HS6ST3: variants seen among roughly 807,000 people sequenced by gnomAD.
HS6ST3 encodes the protein heparan sulfate 6-O-sulfotransferase 3.
In HS6ST3, 12 loss-of-function variants were observed where a neutral mutation model predicts 36.7. The ratio of observed to expected loss-of-function variants is 0.33; its 90% CI spans 0.21 to 0.53. The LOEUF (loss-of-function observed/expected upper bound fraction) is 0.53. HS6ST3 is among the 20% of genes least tolerant of loss of function. HS6ST3 has a pLI of 0.95. For missense variants in HS6ST3, 584 were observed against 640.9 expected, an observed-to-expected ratio of 0.91 and a Z score of 0.96; for synonymous variants, 240 against 257.5, an observed-to-expected ratio of 0.93 and a Z score of 0.65.
rs2054764343 is a variant in HS6ST3 at position 96,279,458 on chromosome 13, A to G, written c.707+187889A>G. Among the ~76,000 whole-genome samples the G allele has an allele frequency of 2.0e-5, 3 of 152,344 alleles. No homozygotes were observed. The South Asian group carries it at 6.2e-4, about 32-fold the overall frequency. On this transcript the variant is annotated intron_variant, in intron 1 of 1. Transcript: ENST00000376705. Reference sequence around the variant, plus strand: ...CGTTAAACAAATAGCTATATAAATTATAAGTGATACGAAGGAGCAAGTTTC... The same window carrying G: ...CGTTAAACAAATAGCTATATAAATTGTAAGTGATACGAAGGAGCAAGTTTC...
chr13:96,151,405 GAA>G (rs57166825), intron 1 of HS6ST3, among the ~76,000 whole-genome samples: 113,991 of 141,586 alleles, frequency 0.81, 45,741 homozygotes, highest in East Asian at 0.91. Context: ...CTCCATCTTG[GAA>G]AAAAAAAAAA....
At chr13:96,511,553 T>C (rs1018244045) in intron 1 of HS6ST3, among the ~76,000 whole-genome samples, 13 of 152,086 alleles carry the variant, frequency 8.5e-5, no homozygotes, top group Middle Eastern at 6.8e-3. Context: ...CCTACATGTA[T>C]ACTTAGCCCA....
At chr13:96,619,745 A>T (rs2056487533) in intron 1 of HS6ST3, among the ~76,000 whole-genome samples, 1 of 152,228 alleles carries the variant, frequency 6.6e-6, no homozygotes, top group Non-Finnish European at 1.5e-5. Flanking sequence ...TTACCCACAA[A>T]ATCAGAGGAA....
chr13:96,814,680 C>T (rs539372734), intron 1 of HS6ST3, among the ~76,000 whole-genome samples: 10 of 151,910 alleles, frequency 6.6e-5, no homozygotes, highest in Non-Finnish European at 1.5e-4. Flanking sequence ...TTGTCTCTTA[C>T]ATTAATTTCT....
chr13:96,704,186 G>A (rs1875361342), intron 1 of HS6ST3, among the ~76,000 whole-genome samples: 1 of 152,084 alleles, frequency 6.6e-6, no homozygotes, highest in Non-Finnish European at 1.5e-5. Flanking sequence ...GAAATCAATG[G>A]GTCATAATAT....
At chr13:96,561,561 C>T (rs1166269239) in intron 1 of HS6ST3, among the ~76,000 whole-genome samples, 3 of 152,086 alleles carry the variant, frequency 2.0e-5, no homozygotes, top group African/African-American at 7.2e-5. Context: ...TAAAGAGCTT[C>T]TGCACAGCAA....
chr13:96,109,311 C>T (rs529201672), intron 1 of HS6ST3, among the ~76,000 whole-genome samples: 3 of 152,150 alleles, frequency 2.0e-5, no homozygotes, highest in African/African-American at 4.8e-5. Context: ...CTCAGCAGAT[C>T]GTATGTCAGT....
intron 1 of HS6ST3, among the ~76,000 whole-genome samples, chr13:96,610,215 A>G (rs1012305151): frequency 3.3e-5 from 5 of 152,198 alleles, no homozygotes; most frequent in African/African-American, 1.2e-4. Context: ...AGAATTAGCT[A>G]CCCTTCTGGG....
At chr13:96,213,186 C>T (rs2139358359) in intron 1 of HS6ST3, among the ~76,000 whole-genome samples, 1 of 152,214 alleles carries the variant, frequency 6.6e-6, no homozygotes, top group Non-Finnish European at 1.5e-5. Flanking sequence ...TAAGATGGCC[C>T]CAGGTTTTCC....
chr13:96,397,898 G>T (rs1222450210), intron 1 of HS6ST3, among the ~76,000 whole-genome samples: 1 of 152,238 alleles, frequency 6.6e-6, no homozygotes, highest in South Asian at 2.1e-4. Flanking sequence ...TACAGATGAG[G>T]AAACTGAGGC....
At chr13:96,670,788 C>T (rs116976664) in intron 1 of HS6ST3, among the ~76,000 whole-genome samples, 6,814 of 152,170 alleles carry the variant, frequency 0.045, 201 homozygotes, top group Non-Finnish European at 0.07. Context: ...TGGAAGAGGA[C>T]CTGTCCTACC....
At chr13:96,289,283 AAAAAT>A (rs1421990134) in intron 1 of HS6ST3, among the ~76,000 whole-genome samples, 3 of 152,222 alleles carry the variant, frequency 2.0e-5, no homozygotes, top group African/African-American at 4.8e-5. Flanking sequence ...ACACTGGAGA[AAAAAT>A]AAAATATAAA....
chr13:96,727,596 AT>A (rs1291371889), intron 1 of HS6ST3, among the ~76,000 whole-genome samples: 1 of 152,192 alleles, frequency 6.6e-6, no homozygotes, highest in Non-Finnish European at 1.5e-5. Flanking sequence ...CGAATAAAAA[AT>A]AAAATAAAAA....
intron 1 of HS6ST3, among the ~76,000 whole-genome samples, chr13:96,471,297 A>G (rs1195792499): frequency 6.6e-6 from 1 of 152,116 alleles, no homozygotes; most frequent in Non-Finnish European, 1.5e-5. Flanking sequence ...TTTTAGCCCA[A>G]TTTTTTTCCT....
intron 1 of HS6ST3, among the ~76,000 whole-genome samples, chr13:96,453,228 C>T (rs932190233): frequency 2.6e-5 from 4 of 151,120 alleles, no homozygotes; most frequent in Non-Finnish European, 4.4e-5. Flanking sequence ...CGAGTACATT[C>T]TTGCTACGTG....
chr13:96,725,442 C>T (rs1875978667), intron 1 of HS6ST3, among the ~76,000 whole-genome samples: 1 of 152,112 alleles, frequency 6.6e-6, no homozygotes, highest in Non-Finnish European at 1.5e-5. Context: ...AAATCATCAC[C>T]TAACCCAAGG....
At chr13:96,506,980 G>A (rs2056029065) in intron 1 of HS6ST3, among the ~76,000 whole-genome samples, 2 of 152,086 alleles carry the variant, frequency 1.3e-5, no homozygotes, top group African/African-American at 4.8e-5. Flanking sequence ...TACAAATATT[G>A]TGTGCTTGGA....
chr13:96,549,927 A>G (rs920051120), intron 1 of HS6ST3, among the ~76,000 whole-genome samples: 7 of 152,084 alleles, frequency 4.6e-5, no homozygotes, highest in Non-Finnish European at 7.4e-5. Flanking sequence ...CCTTCTGGCA[A>G]TAATGCACTA....
chr13:96,243,587 G>GCTAATAATAT (rs1374529632), intron 1 of HS6ST3, among the ~76,000 whole-genome samples: 6 of 152,316 alleles, frequency 3.9e-5, no homozygotes, highest in Non-Finnish European at 8.8e-5. Context: ...AATAGCTGCT[G>GCTAATAATAT]TGTGTGTCAT....
Sources: allele counts gnomAD v4.1 joint callset (sites outside exome capture counted in the v4.1 genomes callset), GRCh38; gene constraint gnomAD v4.1.1; transcripts MANE v1.5; gene names NCBI Gene and HGNC (gene_info 2026-07-23, HGNC 2026-07-21).